BARX2: variants seen among roughly 807,000 people sequenced by gnomAD.
BARX2 encodes homeobox protein BarH-like 2.
Under a neutral mutation model 25.5 loss-of-function variants are expected in BARX2, and 11 were observed. The observed-to-expected ratio is 0.43, with a 90% CI of 0.27 to 0.71. The LOEUF (loss-of-function observed/expected upper bound fraction) is 0.71. BARX2 is among the 30% of genes least tolerant of loss of function. The pLI is 0.19. For synonymous variants in BARX2, 137 were observed against 149.5 expected (o/e 0.92, Z 0.61); for missense variants, 360 against 359.9 (o/e 1.00, Z 0.00).
intron 1 of BARX2, among the ~76,000 whole-genome samples, chr11:129,422,200 C>G (rs919069959): frequency 6.6e-6 from 1 of 152,156 alleles, no homozygotes; most frequent in Non-Finnish European, 1.5e-5. Context: ...TTTATAGCAC[C>G]TGAACTACTG....
intron 1 of BARX2, among the ~76,000 whole-genome samples, chr11:129,402,018 G>GTT (rs34593681): frequency 1.2e-4 from 17 of 141,384 alleles, no homozygotes; most frequent in Admixed American, 3.5e-4. Flanking sequence ...GTTGACAGTG[G>GTT]TTTTTTTTTT....
At chr11:129,398,070 T>A (rs1861740311) in intron 1 of BARX2, among the ~76,000 whole-genome samples, 1 of 152,234 alleles carries the variant, frequency 6.6e-6, no homozygotes, top group East Asian at 1.9e-4. Flanking sequence ...CTCAACTGCA[T>A]CTTTAGAAGT....
rs12576735 is a variant in BARX2 at position 129,425,036 on chromosome 11, G to A, written c.188-11715G>A. Among the ~76,000 whole-genome samples the A allele has an allele frequency of 8.1e-3, 1,240 of 152,300 alleles. 21 individuals carry two copies. Among genetic ancestry groups the A allele is most frequent in the East Asian group, 0.073 (379 of 5,180 alleles). On this transcript the variant is annotated intron_variant, in intron 1 of 3. Transcript: ENST00000281437. The stretch of plus-strand genomic sequence containing the variant: ...CATTTGCAATGTTATCCCCCAACAA[G>A]CTTGTAGAGAAGTATTACTATTGCC...
chr11:129,436,920 C>A lies in BARX2; in HGVS notation c.357C>A (p.Ser119Arg), dbSNP rs757889128. 6.2e-7 allele frequency: 1 copy of A among 1,613,906 alleles called. No individual in the cohort carries two copies. The highest frequency in any genetic ancestry group is 8.5e-7 in the Non-Finnish European group (1 of 1,179,890). Residue 119 changes from serine to arginine, a missense_variant, in exon 2 of 4, where the codon AGC (serine) becomes AGA (arginine). This residue lies in a region of BARX2 where 240 missense variants were observed against 228.7 expected (regional missense o/e 1.05). Coordinates refer to ENST00000281437, the MANE Select transcript of BARX2 (RefSeq NM_003658.5). The surrounding 1 kb of genome is among the most constrained non-coding windows in gnomAD (Gnocchi z 4.5). The part of the protein sequence containing the change: ...EAPGGEALAS[S>R]ESETEQPTPR... ...CAGGGGGCGAGGCCCTAGCCAGCAG[C>A]GAGTCAGAGACGGAACAGCCCACGC...
intron 1 of BARX2, among the ~76,000 whole-genome samples, chr11:129,386,386 A>G (rs1861616546): frequency 1.3e-5 from 2 of 152,220 alleles, no homozygotes; most frequent in South Asian, 4.1e-4. Flanking sequence ...CTGTGATTGA[A>G]CCAAATAATC....
chr11:129,404,887 A>T (rs1038127457), intron 1 of BARX2, among the ~76,000 whole-genome samples: 1 of 152,214 alleles, frequency 6.6e-6, no homozygotes, highest in Non-Finnish European at 1.5e-5. Context: ...TGCTGTGCCT[A>T]ATAGGCAGAA....
intron 1 of BARX2, among the ~76,000 whole-genome samples, chr11:129,410,839 C>T (rs570307001): frequency 6.6e-6 from 1 of 152,324 alleles, no homozygotes; most frequent in East Asian, 1.9e-4. Context: ...ATTAAACTCT[C>T]TGCCCTCTGC....
At chr11:129,427,469 CCA>C (rs1862076953) in intron 1 of BARX2, among the ~76,000 whole-genome samples, 1 of 152,106 alleles carries the variant, frequency 6.6e-6, no homozygotes, top group Non-Finnish European at 1.5e-5. Flanking sequence ...TACTTCTGGA[CCA>C]GTGTCTTTGT....
chr11:129,388,093 C>CTGTGTGTG (rs34835803), intron 1 of BARX2, among the ~76,000 whole-genome samples: 44 of 147,020 alleles, frequency 3.0e-4, no homozygotes, highest in Non-Finnish European at 4.8e-4. Flanking sequence ...AGGCAACATA[C>CTGTGTGTG]TGTGTGTGTG....
chr11:129,424,969 T>C (rs1862046916), intron 1 of BARX2, among the ~76,000 whole-genome samples: 1 of 152,226 alleles, frequency 6.6e-6, no homozygotes, highest in Admixed American at 6.5e-5. Flanking sequence ...TTGAAAAAAA[T>C]CAGTGCCTTT....
rs926141648 is a variant in BARX2, at chr11:129,397,459, TA to T, written c.187+21238del. Among the ~76,000 whole-genome samples the T allele has an allele frequency of 3.9e-4, 60 of 152,218 alleles. 1 individual carries two copies. The highest frequency in any genetic ancestry group is 7.3e-5 in the Non-Finnish European group (5 of 68,048). ...TTGGATTCTAAACAAGTTTATCAAA[TA>T]CTTAGTATCCACCTTAAAAGCTTTC... On this transcript the variant is annotated intron_variant, in intron 1 of 3. Transcript: ENST00000281437.
intron 3 of BARX2, among the ~76,000 whole-genome samples, chr11:129,444,613 G>A (rs11602655): frequency 0.046 from 7,069 of 152,224 alleles, 223 homozygotes; most frequent in African/African-American, 0.09. Flanking sequence ...GGTAGCTGCC[G>A]AGCATGTTAT....
At chr11:129,403,731 A>T (rs1225855134) in intron 1 of BARX2, among the ~76,000 whole-genome samples, 1 of 152,142 alleles carries the variant, frequency 6.6e-6, no homozygotes, top group Non-Finnish European at 1.5e-5. Context: ...TTTTTTAAAT[A>T]TTTTTTAGAG....
chr11:129,380,673 G>A (rs1861553458), intron 1 of BARX2, among the ~76,000 whole-genome samples: 1 of 152,176 alleles, frequency 6.6e-6, no homozygotes, highest in South Asian at 2.1e-4. Context: ...CCCATTGTAA[G>A]GGTAAATAAA....
At chr11:129,397,280 C>CAA (rs35729336) in intron 1 of BARX2, among the ~76,000 whole-genome samples, 2 of 111,198 alleles carry the variant, frequency 1.8e-5, no homozygotes, top group African/African-American at 3.3e-5. Flanking sequence ...ACCCTGTCTC[C>CAA]AAAAAAAAAA....
chr11:129,404,579 C>T (rs960688962), intron 1 of BARX2, among the ~76,000 whole-genome samples: 30 of 152,208 alleles, frequency 2.0e-4, no homozygotes, highest in African/African-American at 7.2e-4. Flanking sequence ...CTGCCTCCCA[C>T]TTGGTTGATA....
intron 3 of BARX2, among the ~76,000 whole-genome samples, chr11:129,449,127 G>A (rs781242499): frequency 1.5e-4 from 23 of 152,146 alleles, no homozygotes; most frequent in Non-Finnish European, 2.5e-4. Flanking sequence ...TTGCATTGTG[G>A]TGATAGTTGT....
intron 1 of BARX2, among the ~76,000 whole-genome samples, chr11:129,379,843 A>T (rs4636682): frequency 0.47 from 71,724 of 151,612 alleles, 17,132 homozygotes; most frequent in East Asian, 0.57. Context: ...ACACATGCAC[A>T]TTTGTGGGGA....
rs1046602249 is a variant in BARX2, at chr11:129,442,875, G to C, written c.529G>C (p.Val177Leu). Reference protein sequence around the residue: ...AQSLGLTQLQVKTWYQNRRMK... With the variant: ...AQSLGLTQLQLKTWYQNRRMK... ...GTCTCTGGGACTCACTCAGCTGCAG[G>C]TGAAGACCTGGTATCAGAATCGCAG... The change falls in exon 3 of 4, where the codon GTG becomes CTG. Residue 177 changes from valine to leucine, a missense_variant. By Grantham distance (32) the Val-to-Leu change is conservative. Transcript: ENST00000281437. 6.2e-7 allele frequency: 1 copy of C among 1,613,840 alleles called. No individual in the cohort carries two copies. Among genetic ancestry groups the C allele is most frequent in the African/African-American group, 1.3e-5 (1 of 74,888 alleles).
Sources: gnomAD v4.1 joint callset for allele counts (sites outside exome capture counted in the v4.1 genomes callset) on GRCh38, gnomAD v4.1.1 for gene constraint, gnomAD v4.1.1 regional missense constraint, Gnocchi (gnomAD v3.1) non-coding constraint, MANE v1.5 for transcripts, NCBI Gene and HGNC (gene_info 2026-07-23, HGNC 2026-07-21) for gene names.